PVT1: variants seen among roughly 807,000 people sequenced by gnomAD.
The protein encoded by PVT1 is CXCR4/PVT1 fusion.
chr8:127,941,569 A>G (rs1816349993), intron 3 of PVT1, among the ~76,000 whole-genome samples: 1 of 152,236 alleles, frequency 6.6e-6, no homozygotes, highest in Admixed American at 6.5e-5. Context: ...TATCTGGTCT[A>G]TAGTAAATCT....
chr8:127,909,565 T>C (rs1178417190), intron 3 of PVT1, among the ~76,000 whole-genome samples: 1 of 152,204 alleles, frequency 6.6e-6, no homozygotes, highest in East Asian at 1.9e-4. Flanking sequence ...ATGTTTGGCA[T>C]ATGTGCGGAG....
chr8:128,055,158 C>T (rs756422485), intron 4 of PVT1, among the ~76,000 whole-genome samples: 1 of 152,176 alleles, frequency 6.6e-6, no homozygotes, highest in Admixed American at 6.5e-5. Context: ...CCTACAGACA[C>T]ACACATGCAC....
At chr8:127,911,818 G>A (rs944130074) in intron 3 of PVT1, among the ~76,000 whole-genome samples, 15 of 152,210 alleles carry the variant, frequency 9.9e-5, no homozygotes, top group African/African-American at 3.4e-4. Context: ...CCGCACTATG[G>A]GTGACCTCCC....
At chr8:128,004,690 T>G (rs13266023) in intron 4 of PVT1, among the ~76,000 whole-genome samples, 116,557 of 152,170 alleles carry the variant, frequency 0.77, 45,035 homozygotes, top group African/African-American at 0.85. Flanking sequence ...TGAAGTAGCC[T>G]TTCGAATACC....
intron 2 of PVT1, among the ~76,000 whole-genome samples, chr8:127,798,601 G>T (rs1206742548): frequency 1.3e-5 from 2 of 149,524 alleles, no homozygotes; most frequent in African/African-American, 4.9e-5. Context: ...GCTCACACCC[G>T]TAATCCCAGC....
chr8:127,881,784 C>T (rs1006152063), intron 2 of PVT1, among the ~76,000 whole-genome samples: 1 of 151,942 alleles, frequency 6.6e-6, no homozygotes, highest in Admixed American at 6.6e-5. Flanking sequence ...GAGACAGGGT[C>T]TTACTTTGTC....
chr8:127,939,467 T>C (rs192420267), intron 3 of PVT1: 17 of 152,400 alleles, frequency 1.1e-4, no homozygotes, highest in Admixed American at 9.8e-4. Context: ...GGACTGCTTT[T>C]GACTGCAGGG....
At position 128,041,478 on chromosome 8, in the gene PVT1, C is replaced by T. The variant is rs191112205; in HGVS notation, n.913-28682C>T. ...CGTGTATATGTGTTTGGTGTGTGTG[C>T]CTGGTGCGTATGTGTTTGGTATGTG... On this transcript the variant is annotated intron_variant and non_coding_transcript_variant, in intron 4 of 10. Coordinates refer to ENST00000651587, the Ensembl canonical transcript of PVT1. Among the ~76,000 whole-genome samples, 376 of 140,418 alleles carry T rather than the reference C, an allele frequency of 2.7e-3. 1 individual carries two copies. The highest frequency in any genetic ancestry group is 9.3e-3 in the Middle Eastern group (2 of 214). The allele number at this position is 140,418 out of a possible 152,430, so 92.1% of individuals were successfully genotyped here. A position where few individuals can be genotyped will look rare whatever the true frequency, so the allele number is the denominator to read the frequency against.
Position 127,815,833 on chromosome 8 carries a change from T to G in PVT1, n.372+19762T>G, listed in dbSNP as rs530136117. 7.9e-5 allele frequency among the ~76,000 whole-genome samples: 12 copies of G among 152,150 alleles called. No individual in the cohort carries two copies. In the East Asian group the frequency reaches 2.1e-3, roughly 27 times the overall value. On this transcript the variant is annotated intron_variant and non_coding_transcript_variant, in intron 2 of 10. Transcript: ENST00000651587. ...TATACACTATTAATACCTACAAAAT[T>G]ATAGATGTAAGGCTGGGTGTGGTGG...
chr8:128,075,456 A>C (rs899166546), intron 5 of PVT1, among the ~76,000 whole-genome samples: 1 of 152,154 alleles, frequency 6.6e-6, no homozygotes, highest in African/African-American at 2.4e-5. Context: ...TTTTTAAAAA[A>C]AAATCTTTTA....
In PVT1 at chr8:127,942,251, C is replaced by T. The variant is rs527273527; in HGVS notation, n.783-46911C>T. 2.8e-4 allele frequency among the ~76,000 whole-genome samples: 42 copies of T among 152,268 alleles called. 1 individual carries two copies. In the South Asian group the frequency reaches 6.0e-3, roughly 22 times the overall value. Reference sequence around the variant, plus strand: ...AGAATTTCCACGGCTTGCCTAGGGTCGTTGAGCAATGTGGAAGGGATCATG... The same window carrying T: ...AGAATTTCCACGGCTTGCCTAGGGTTGTTGAGCAATGTGGAAGGGATCATG... On this transcript the variant is annotated intron_variant and non_coding_transcript_variant, in intron 3 of 10. Coordinates refer to ENST00000651587, the Ensembl canonical transcript of PVT1.
At chr8:127,996,195 A>G (rs752499052) in intron 4 of PVT1, among the ~76,000 whole-genome samples, 1 of 152,108 alleles carries the variant, frequency 6.6e-6, no homozygotes, top group Non-Finnish European at 1.5e-5. Flanking sequence ...AATTTGTAAC[A>G]AAGTAAATCA....
intron 3 of PVT1, among the ~76,000 whole-genome samples, chr8:127,964,749 C>T (rs1816685215): frequency 6.6e-6 from 1 of 152,112 alleles, no homozygotes; most frequent in African/African-American, 2.4e-5. Flanking sequence ...ATGTCCGTCT[C>T]TCCTCATGTT....
In PVT1 at chr8:127,850,227, T is replaced by A. The variant is rs372775200; in HGVS notation, n.373-40362T>A. 7.2e-5 allele frequency among the ~76,000 whole-genome samples: 11 copies of A among 152,240 alleles called. No homozygotes were observed. The East Asian group carries it at 9.7e-4, about 13-fold the overall frequency. On this transcript the variant is annotated intron_variant and non_coding_transcript_variant, in intron 2 of 10. Coordinates refer to ENST00000651587, the Ensembl canonical transcript of PVT1. The stretch of plus-strand genomic sequence containing the variant: ...CCACCCTAGGGCAGTTAGGCAAAGG[T>A]GTGCCTCCCTTTAAGAGGACCTAGC...
chr8:127,869,835 G>A (rs1394579889), intron 2 of PVT1, among the ~76,000 whole-genome samples: 1 of 152,080 alleles, frequency 6.6e-6, no homozygotes, highest in African/African-American at 2.4e-5. Context: ...ATGGAGTCTC[G>A]CTCTGTCACT....
At chr8:127,810,287 A>G (rs531861952) in intron 2 of PVT1, among the ~76,000 whole-genome samples, 1 of 152,352 alleles carries the variant, frequency 6.6e-6, no homozygotes, top group South Asian at 2.1e-4. Context: ...CATTCTCTGC[A>G]TGCTGATCTC....
chr8:127,974,237 C>T (rs1408029824), intron 3 of PVT1, among the ~76,000 whole-genome samples: 1 of 152,164 alleles, frequency 6.6e-6, no homozygotes, highest in Non-Finnish European at 1.5e-5. Flanking sequence ...TTGGTGCCTA[C>T]AGTTTCCATT....
At chr8:127,946,130 C>A in intron 3 of PVT1, among the ~76,000 whole-genome samples, 1 of 152,208 alleles carries the variant, frequency 6.6e-6, no homozygotes, top group East Asian at 1.9e-4. Context: ...TGTCAGGGTA[C>A]CAGCCACACA....
chr8:127,863,792 G>A lies in PVT1; in HGVS notation n.373-26797G>A, dbSNP rs553520222. Among the ~76,000 whole-genome samples the A allele has an allele frequency of 3.9e-5, 6 of 152,286 alleles. No homozygotes were observed. The East Asian group carries it at 1.2e-3, about 29-fold the overall frequency. On this transcript the variant is annotated intron_variant and non_coding_transcript_variant, in intron 2 of 10. Transcript: ENST00000651587. ...CTTGAGGCCCCTCAGCTTGGACCTG[G>A]CAGATCTGGGACCCGGTGTCTGGGC... is the stretch of plus-strand genomic sequence containing the variant.
Sources: allele counts gnomAD v4.1 joint callset (sites outside exome capture counted in the v4.1 genomes callset), GRCh38; gene constraint gnomAD v4.1.1; transcripts MANE v1.5; gene names NCBI Gene and HGNC (gene_info 2026-07-23, HGNC 2026-07-21).